The following AGAP1 variants were observed in gnomAD, a reference collection of about 807,000 sequenced individuals.
AGAP1 encodes the protein arf-GAP with GTPase, ANK repeat and PH domain-containing protein 1.
Under a neutral mutation model 105.3 loss-of-function variants are expected in AGAP1, and 29 were observed. The ratio of observed to expected loss-of-function variants is 0.28; its 90% CI spans 0.21 to 0.38. The LOEUF (loss-of-function observed/expected upper bound fraction) is 0.38, where lower values mean the gene tolerates loss of function less well. Ranked by LOEUF, AGAP1 falls within the 10% of genes least tolerant of loss-of-function variation. AGAP1 has a pLI of 1.00. For synonymous variants in AGAP1, 509 were observed against 485.9 expected, an observed-to-expected ratio of 1.05 and a Z score of -0.63; for missense variants, 998 against 1,165.1, an observed-to-expected ratio of 0.86 and a Z score of 2.09.
At chr2:235,571,845 A>T (rs928444228) in intron 1 of AGAP1, among the ~76,000 whole-genome samples, 1 of 151,112 alleles carries the variant, frequency 6.6e-6, no homozygotes, top group African/African-American at 2.4e-5. Flanking sequence ...TGGTCCTCCA[A>T]TCTTGGCCTC....
At chr2:235,702,934 G>GTGTTTTTTTTTTTTTTTTTTTT (rs1553609552) in intron 1 of AGAP1, among the ~76,000 whole-genome samples, 957 of 88,856 alleles carry the variant, frequency 0.011, 48 homozygotes, top group Middle Eastern at 0.022. Flanking sequence ...AGTTTTCTTG[G>GTGTTTTTTTTTTTTTTTTTTTT]TTTTTTTTTT....
chr2:235,523,232 A>G (rs1942693884), intron 1 of AGAP1, among the ~76,000 whole-genome samples: 1 of 152,172 alleles, frequency 6.6e-6, no homozygotes. Context: ...ATCACCTCCC[A>G]GAGGCCCCAC....
At chr2:235,808,443 G>A (rs1957956586) in intron 9 of AGAP1, among the ~76,000 whole-genome samples, 1 of 152,198 alleles carries the variant, frequency 6.6e-6, no homozygotes, top group African/African-American at 2.4e-5. Context: ...AAATAGGAAC[G>A]CAGCCTTAGA....
chr2:235,634,341 T>C (rs1946923824), intron 1 of AGAP1, among the ~76,000 whole-genome samples: 1 of 152,198 alleles, frequency 6.6e-6, no homozygotes, highest in Admixed American at 6.5e-5. Context: ...AGCAGCACTG[T>C]TGTGGTGATA....
At chr2:236,054,581 G>A (rs1425953012) in intron 16 of AGAP1, among the ~76,000 whole-genome samples, 2 of 151,632 alleles carry the variant, frequency 1.3e-5, no homozygotes, top group Non-Finnish European at 2.9e-5. Flanking sequence ...GGTGGCATCT[G>A]CTCCCCACAT....
In AGAP1 at chr2:235,623,150, A is replaced by G. The variant is rs910529423; in HGVS notation, c.164-86029A>G. On this transcript the variant is annotated intron_variant, in intron 1 of 17. Coordinates refer to ENST00000304032, the MANE Select transcript of AGAP1 (RefSeq NM_001037131.3). This position sits in a 1 kb window ranked among gnomAD's most constrained non-coding sequence, Gnocchi z 4.5. ...GCTGCTACAGCTATGATATTTTAAA[A>G]TCAATGGGCCTTTCCTTTCATTTCG... Among the ~76,000 whole-genome samples, 19 of 152,222 alleles carry G rather than the reference A, an allele frequency of 1.2e-4. No homozygotes were observed. Among genetic ancestry groups the G allele is most frequent in the Non-Finnish European group, 1.9e-4 (13 of 68,042 alleles).
rs1425470951 is a variant in AGAP1, at chr2:235,983,141, T to TGG, written c.1645+14521_1645+14522dup. Among the ~76,000 whole-genome samples, 3 of 152,094 alleles carry TGG rather than the reference T, an allele frequency of 2.0e-5. No homozygotes were observed. The highest frequency in any genetic ancestry group is 4.4e-5 in the Non-Finnish European group (3 of 67,990). ...TGGCCTCAGGGGTCTCCCAGGATGC[T>TGG]GGGGCTGGTGGACGACCCCAGAGAA... On this transcript the variant is annotated intron_variant, in intron 13 of 17. Coordinates refer to ENST00000304032, the MANE Select transcript of AGAP1 (RefSeq NM_001037131.3). This position sits in a 1 kb window ranked among gnomAD's most constrained non-coding sequence, Gnocchi z 4.5.
At chr2:235,613,875 G>T (rs1026746904) in intron 1 of AGAP1, among the ~76,000 whole-genome samples, 2 of 152,214 alleles carry the variant, frequency 1.3e-5, no homozygotes, top group Admixed American at 6.5e-5. Flanking sequence ...TAGTGGCGCC[G>T]TGTGGCCCGC....
chr2:235,778,387 T>G lies in AGAP1; in HGVS notation c.674-19372T>G, dbSNP rs571300471. Among the ~76,000 whole-genome samples the G allele has an allele frequency of 1.1e-3, 170 of 152,286 alleles. 1 individual carries two copies. Among genetic ancestry groups the G allele is most frequent in the African/African-American group, 3.5e-3 (145 of 41,560 alleles). The stretch of plus-strand genomic sequence containing the variant: ...TCACGTCTAATCAGACAGCATCTCT[T>G]TAGTGTCTTTCTCAGACCACCACTG... On this transcript the variant is annotated intron_variant, in intron 6 of 17. Transcript: ENST00000304032.
At chr2:235,916,621 G>A (rs1490595206) in intron 11 of AGAP1, among the ~76,000 whole-genome samples, 2 of 152,158 alleles carry the variant, frequency 1.3e-5, no homozygotes, top group African/African-American at 4.8e-5. Flanking sequence ...CTAAACCCCA[G>A]CTTCCTTGTT....
At chr2:235,909,506 C>G (rs2051473399) in intron 11 of AGAP1, among the ~76,000 whole-genome samples, 1 of 152,090 alleles carries the variant, frequency 6.6e-6, no homozygotes, top group Non-Finnish European at 1.5e-5. Context: ...TCCAAAATGA[C>G]ATTGTTCATT....
chr2:235,646,263 C>CT (rs1403613593), intron 1 of AGAP1, among the ~76,000 whole-genome samples: 1 of 104,016 alleles, frequency 9.6e-6, no homozygotes, highest in African/African-American at 3.5e-5. Context: ...GATCTAGACT[C>CT]TGTCTCCAAA....
In AGAP1 at chr2:235,983,252, T is replaced by C. The variant is rs1230846832; in HGVS notation, c.1645+14629T>C. On this transcript the variant is annotated intron_variant, in intron 13 of 17. Transcript: ENST00000304032. The surrounding 1 kb of genome is among the most constrained non-coding windows in gnomAD (Gnocchi z 4.5). ...CAGGTGTGCAAAGGACCAGCGCTGCTGCAGGGAACATGGCTGGGAGGGCAT... is the reference window on the plus strand; with the variant it reads ...CAGGTGTGCAAAGGACCAGCGCTGCCGCAGGGAACATGGCTGGGAGGGCAT... Among the ~76,000 whole-genome samples the C allele has an allele frequency of 2.6e-5, 4 of 152,106 alleles. No homozygotes were observed. Among genetic ancestry groups the C allele is most frequent in the Non-Finnish European group, 4.4e-5 (3 of 68,002 alleles).
rs187519882 is a variant in AGAP1, at chr2:236,083,556, G to C, written c.2114+34275G>C. Among the ~76,000 whole-genome samples the C allele has an allele frequency of 2.0e-5, 3 of 152,116 alleles. No homozygotes were observed. The highest frequency in any genetic ancestry group is 4.4e-5 in the Non-Finnish European group (3 of 68,026). ...ACTAAGACATTGTCACTGGAATTCC[G>C]TATAAATGTGTGCATGCTCACACCC... On this transcript the variant is annotated intron_variant, in intron 16 of 17. Coordinates refer to ENST00000304032, the MANE Select transcript of AGAP1 (RefSeq NM_001037131.3). This position sits in a 1 kb window ranked among gnomAD's most constrained non-coding sequence, Gnocchi z 5.3.
intron 1 of AGAP1, among the ~76,000 whole-genome samples, chr2:235,667,301 T>C (rs1350010487): frequency 2.0e-5 from 3 of 152,150 alleles, no homozygotes; most frequent in African/African-American, 4.8e-5. Context: ...AATGAACCAA[T>C]AGAAAACCGA....
chr2:235,669,658 C>T (rs1407105579), intron 1 of AGAP1: 1 of 149,120 alleles, frequency 6.7e-6, no homozygotes, highest in Non-Finnish European at 1.5e-5. Flanking sequence ...ACCCTTCGGC[C>T]GCAGCCGGTG....
In AGAP1 at chr2:235,741,053, G is replaced by GTA; in HGVS notation, c.396+8_396+9dup. On this transcript the variant is annotated splice_donor_region_variant and intron_variant, in intron 4 of 17. Transcript: ENST00000304032. This position sits in a 1 kb window ranked among gnomAD's most constrained non-coding sequence, Gnocchi z 4.9. ...GGGGGCCCCCCGGAGGCGCAGGTGA[G>GTA]TATACATGCATGCCCCAAGCCTGCT... is the stretch of plus-strand genomic sequence containing the variant. 1 of 1,612,882 alleles carries GTA rather than the reference G, an allele frequency of 6.2e-7. No homozygotes were observed. The highest frequency in any genetic ancestry group is 8.5e-7 in the Non-Finnish European group (1 of 1,179,144).
At chr2:235,718,296 C>T (rs1294470132) in intron 3 of AGAP1, 1 of 874,074 alleles carries the variant, frequency 1.1e-6, no homozygotes, top group African/African-American at 1.8e-5. Flanking sequence ...GAAATTTTCT[C>T]TCCGTGTAAC....
Position 236,002,904 on chromosome 2 carries a change from A to AG in AGAP1, c.1646-33654dup, listed in dbSNP as rs1165228194. Among the ~76,000 whole-genome samples, 1 of 152,174 alleles carries AG rather than the reference A, an allele frequency of 6.6e-6. No individual in the cohort carries two copies. The highest frequency in any genetic ancestry group is 1.5e-5 in the Non-Finnish European group (1 of 68,036). ...AAGGTGAAGTTTGTGTGTGAACAGG[A>AG]GGGCCGGGGTCGCTGGGTTCCAGGC... On this transcript the variant is annotated intron_variant, in intron 13 of 17. Coordinates refer to ENST00000304032, the MANE Select transcript of AGAP1 (RefSeq NM_001037131.3). This position sits in a 1 kb window ranked among gnomAD's most constrained non-coding sequence, Gnocchi z 4.3.
Sources: gnomAD v4.1 joint callset for allele counts (sites outside exome capture counted in the v4.1 genomes callset) on GRCh38, gnomAD v4.1.1 for gene constraint, Gnocchi (gnomAD v3.1) non-coding constraint, MANE v1.5 for transcripts, NCBI Gene and HGNC (gene_info 2026-07-23, HGNC 2026-07-21) for gene names.